NEU3: variants seen among roughly 807,000 people sequenced by gnomAD.
NEU3 encodes the protein neuraminidase 3.
NEU3 carries 10 observed loss-of-function variants against 11.4 expected under a neutral mutation model. That is an observed-to-expected ratio of 0.88 (90% CI 0.54 to 1.49). The LOEUF is 1.49. Among genes scored for constraint, NEU3 ranks in the 40% most tolerant of loss-of-function variants. The pLI, the probability that NEU3 is intolerant of heterozygous loss-of-function variation, is 0.00. For missense variants in NEU3, 529 were observed against 581.8 expected, an observed-to-expected ratio of 0.91 and a Z score of 0.93; for synonymous variants, 212 against 228.2, an observed-to-expected ratio of 0.93 and a Z score of 0.64.
rs748672038 is a variant in NEU3 at position 75,006,446 on chromosome 11, A to C, written c.1340A>C (p.Asp447Ala). Residue 447 changes from aspartate (D) to alanine (A), a missense_variant, in exon 3 of 3, where the codon GAC (aspartate) becomes GCC (alanine). By Grantham distance (126) the Asp-to-Ala change is moderately radical. Transcript: ENST00000294064. ...HREILSHLQGDCTSPGRNPSQ... is the reference protein window; with the variant it reads ...HREILSHLQGACTSPGRNPSQ... Reference sequence around the variant, plus strand: ...GAGATCCTGAGTCACCTGCAGGGGGACTGCACCAGCCCTGGTAGGAACCCA... The same window carrying C: ...GAGATCCTGAGTCACCTGCAGGGGGCCTGCACCAGCCCTGGTAGGAACCCA... The C allele has an allele frequency of 6.2e-7, 1 of 1,613,616 alleles. No individual in the cohort carries two copies. The highest frequency in any genetic ancestry group is 8.5e-7 in the Non-Finnish European group (1 of 1,179,818).
At chr11:74,990,266 C>T (rs1397859861) in intron 1 of NEU3, 5 of 429,744 alleles carry the variant, frequency 1.2e-5, no homozygotes, top group Admixed American at 3.9e-5. Context: ...ACCATCAAAA[C>T]GTCATGCAGC....
At chr11:74,997,836 C>T (rs1948806593) in intron 2 of NEU3, among the ~76,000 whole-genome samples, 2 of 150,460 alleles carry the variant, frequency 1.3e-5, no homozygotes, top group Non-Finnish European at 3.0e-5. Context: ...GCACTCCAGC[C>T]TGGGTGACAA....
intron 3 of NEU3, among the ~76,000 whole-genome samples, chr11:75,016,941 G>A (rs1948983368): frequency 6.6e-6 from 1 of 152,208 alleles, no homozygotes; most frequent in Admixed American, 6.5e-5. Context: ...GGCATCTGCT[G>A]TGTCAATGGC....
the NEU3 span, among the ~76,000 whole-genome samples, chr11:74,982,757 G>T: frequency 6.6e-6 from 1 of 152,122 alleles, no homozygotes; most frequent in African/African-American, 2.4e-5. Context: ...GAAAAAAAAG[G>T]AGCCCTGAGC....
chr11:75,010,976 T>G (rs1339924089), downstream of NEU3: 1 of 152,204 alleles, frequency 6.6e-6, no homozygotes, highest in Non-Finnish European at 1.5e-5. Flanking sequence ...CCCAACTTGT[T>G]TTAAAAAATG....
upstream of NEU3, among the ~76,000 whole-genome samples, chr11:74,985,867 C>A (rs1948663248): frequency 6.6e-6 from 1 of 152,188 alleles, no homozygotes; most frequent in Non-Finnish European, 1.5e-5. Context: ...CACCATCTGC[C>A]TAGCACATAA....
rs1419227555 is a variant in NEU3 at position 75,008,284 on chromosome 11, TTCCTC to T, written c.*1794_*1798del. 6.6e-6 allele frequency: 1 copy of T among 152,218 alleles called. No homozygotes were observed. Among genetic ancestry groups the T allele is most frequent in the Non-Finnish European group, 1.5e-5 (1 of 68,060 alleles). 9.4% of individuals were successfully genotyped at this position (152,218 alleles called of 1,614,324 possible). On this transcript the variant is annotated 3_prime_UTR_variant, in exon 3 of 3. Transcript: ENST00000294064. ...GCTGTTGGGTGAAATAATGCACACTTTCCTCTACTTCCTTATATGAGGCCCACTGT... is the reference window on the plus strand; with the variant it reads ...GCTGTTGGGTGAAATAATGCACACTTTACTTCCTTATATGAGGCCCACTGT...
chr11:74,993,611 G>A (rs985365792), intron 1 of NEU3, among the ~76,000 whole-genome samples: 5 of 152,128 alleles, frequency 3.3e-5, no homozygotes, highest in African/African-American at 1.2e-4. Flanking sequence ...CTGATAGGGT[G>A]GACTAGTATC....
At chr11:75,004,302 T>C (rs1482647667) in intron 2 of NEU3, 1 of 681,770 alleles carries the variant, frequency 1.5e-6, no homozygotes, top group Admixed American at 2.2e-5. Flanking sequence ...TTTTTATTTT[T>C]AGAGATGGGG....
chr11:75,000,623 ATT>A (rs201642187), intron 2 of NEU3, among the ~76,000 whole-genome samples: 34 of 142,764 alleles, frequency 2.4e-4, no homozygotes, highest in Middle Eastern at 3.6e-3. Context: ...TTGTTTATAC[ATT>A]TTTTTTTTTT....
chr11:74,990,362 T>A (rs1948716626), intron 1 of NEU3, among the ~76,000 whole-genome samples: 1 of 151,812 alleles, frequency 6.6e-6, no homozygotes, highest in Non-Finnish European at 1.5e-5. Flanking sequence ...CCTCTCCATT[T>A]CCTTTTTTTT....
At position 75,007,662 on chromosome 11, in the gene NEU3, A is replaced by G. The variant is rs1948912274; in HGVS notation, c.*1170A>G. 2 of 152,176 alleles carry G rather than the reference A, an allele frequency of 1.3e-5. No individual in the cohort carries two copies. The highest frequency in any genetic ancestry group is 4.1e-4 in the South Asian group (2 of 4,826). 9.4% of individuals were successfully genotyped at this position (152,176 alleles called of 1,614,324 possible). A position where few individuals can be genotyped will look rare whatever the true frequency, so the allele number is the denominator to read the frequency against. ...GGCCTATTTGTGTAGGCCCATGGAAATCACTACTTGTGAAGTAGAGATGCC... is the reference window on the plus strand; with the variant it reads ...GGCCTATTTGTGTAGGCCCATGGAAGTCACTACTTGTGAAGTAGAGATGCC... On this transcript the variant is annotated 3_prime_UTR_variant, in exon 3 of 3. Transcript: ENST00000294064.
chr11:75,001,445 A>C (rs1948843789), intron 2 of NEU3, among the ~76,000 whole-genome samples: 2 of 151,626 alleles, frequency 1.3e-5, no homozygotes, highest in Admixed American at 1.3e-4. Flanking sequence ...ATGCCTGGCT[A>C]ATTTTTTTTG....
At chr11:74,989,638 A>C (rs1179982008) in intron 1 of NEU3, among the ~76,000 whole-genome samples, 2 of 152,202 alleles carry the variant, frequency 1.3e-5, no homozygotes, top group Non-Finnish European at 2.9e-5. Context: ...TAAATGAGAT[A>C]GGAAGGCCTC....
At chr11:74,998,923 G>A (rs1015233028) in intron 2 of NEU3, among the ~76,000 whole-genome samples, 14 of 152,172 alleles carry the variant, frequency 9.2e-5, no homozygotes, top group African/African-American at 3.4e-4. Context: ...GACAAGCATT[G>A]CCTGTGGTCA....
In NEU3 at chr11:75,005,431, C is replaced by T; in HGVS notation, c.325C>T (p.Leu109=). The T allele has an allele frequency of 1.2e-6, 2 of 1,610,382 alleles. No individual in the cohort carries two copies. The highest frequency in any genetic ancestry group is 1.7e-6 in the Non-Finnish European group (2 of 1,177,480). Reference sequence around the variant, plus strand: ...TGTCTAGTGGGGGCCCCTGAAGCCACTGATGGAAGCCACACTACCGGGGCA... The same window carrying T: ...TGTCTAGTGGGGGCCCCTGAAGCCATTGATGGAAGCCACACTACCGGGGCA... ...QLVQWGPLKP[L]MEATLPGHRT... The change falls in exon 3 of 3, where the codon CTG becomes TTG. Residue 109 remains leucine, a synonymous_variant. Transcript: ENST00000294064.
rs1236885695 is a variant in NEU3 at position 75,007,370 on chromosome 11, A to G, written c.*878A>G. 6.6e-6 allele frequency: 1 copy of G among 152,264 alleles called. No individual in the cohort carries two copies. The highest frequency in any genetic ancestry group is 1.9e-4 in the East Asian group (1 of 5,204). 9.4% of individuals were successfully genotyped at this position (152,264 alleles called of 1,614,324 possible). A position where few individuals can be genotyped will look rare whatever the true frequency, so the allele number is the denominator to read the frequency against. On this transcript the variant is annotated 3_prime_UTR_variant, in exon 3 of 3. Coordinates refer to ENST00000294064, the MANE Select transcript of NEU3 (RefSeq NM_006656.6). Reference sequence around the variant, plus strand: ...GAGTTCACCAGTTTATGGGGCTAGAAGAGCGAGAAAATTCAAGAAAATAAA... The same window carrying G: ...GAGTTCACCAGTTTATGGGGCTAGAGGAGCGAGAAAATTCAAGAAAATAAA...
intron 2 of NEU3, among the ~76,000 whole-genome samples, chr11:74,999,551 C>A (rs1277101762): frequency 6.6e-6 from 1 of 152,152 alleles, no homozygotes; most frequent in East Asian, 1.9e-4. Context: ...TCAGTCAAGA[C>A]CTATCATTTA....
At chr11:75,003,677 G>A (rs921384555) in intron 2 of NEU3, among the ~76,000 whole-genome samples, 32 of 152,110 alleles carry the variant, frequency 2.1e-4, no homozygotes, top group African/African-American at 6.5e-4. Context: ...ATCACCTGAG[G>A]TGAGGAGTTT....
Sources: gnomAD v4.1 joint callset for allele counts (sites outside exome capture counted in the v4.1 genomes callset) on GRCh38, gnomAD v4.1.1 for gene constraint, MANE v1.5 for transcripts, NCBI Gene and HGNC (gene_info 2026-07-23, HGNC 2026-07-21) for gene names.